The following MIPOL1 variants were observed in gnomAD, a reference collection of about 807,000 sequenced individuals.
MIPOL1 encodes the protein mirror-image polydactyly gene 1 protein.
Under a neutral mutation model 60.9 loss-of-function variants are expected in MIPOL1, and 57 were observed. The observed-to-expected ratio is 0.94, with a 90% CI of 0.76 to 1.17. MIPOL1 has a LOEUF of 1.17. Among genes scored for constraint, MIPOL1 ranks in the 50% most tolerant of loss-of-function variants. The pLI is 0.00. For synonymous variants in MIPOL1, 179 were observed against 168.8 expected (o/e 1.06, Z -0.47); for missense variants, 551 against 511.6 (o/e 1.08, Z -0.74).
chr14:37,236,077 C>G (rs1453561421), intron 1 of MIPOL1, among the ~76,000 whole-genome samples: 3 of 151,804 alleles, frequency 2.0e-5, no homozygotes, highest in Non-Finnish European at 2.9e-5. Flanking sequence ...CAGGCGCATG[C>G]CACCATGCCC....
chr14:37,429,196 G>A (rs2094017553), intron 11 of MIPOL1, among the ~76,000 whole-genome samples: 1 of 152,180 alleles, frequency 6.6e-6, no homozygotes, highest in South Asian at 2.1e-4. Flanking sequence ...AAGTTCAGGA[G>A]GCATAATAAT....
chr14:37,305,233 C>A (rs930407967), intron 7 of MIPOL1, among the ~76,000 whole-genome samples: 3 of 151,772 alleles, frequency 2.0e-5, no homozygotes, highest in African/African-American at 7.2e-5. Context: ...GATTCCTAAT[C>A]TTTAACTAGA....
intron 6 of MIPOL1, among the ~76,000 whole-genome samples, chr14:37,279,188 A>G (rs1389344655): frequency 1.3e-5 from 2 of 150,748 alleles, no homozygotes; most frequent in East Asian, 1.9e-4. Flanking sequence ...ATTCAAGTCA[A>G]AGAAAGAGAA....
intron 1 of MIPOL1, among the ~76,000 whole-genome samples, chr14:37,229,778 G>C (rs1229804350): frequency 2.0e-5 from 3 of 152,058 alleles, no homozygotes; most frequent in African/African-American, 7.2e-5. Flanking sequence ...TCAAAGTTTA[G>C]TTACATTAAG....
chr14:37,308,031 G>A (rs766352139), intron 7 of MIPOL1, 25 bp from the exon 8 acceptor site: 24 of 1,605,670 alleles, frequency 1.5e-5, no homozygotes, highest in Admixed American at 8.5e-5. Context: ...CTACTGATCA[G>A]GCTTTCTGTG....
At chr14:37,211,707 TG>T (rs1235659156) in intron 1 of MIPOL1, among the ~76,000 whole-genome samples, 1 of 151,974 alleles carries the variant, frequency 6.6e-6, no homozygotes, top group African/African-American at 2.4e-5. Flanking sequence ...GGACTGTGGT[TG>T]GGGGGCATGT....
intron 12 of MIPOL1, among the ~76,000 whole-genome samples, chr14:37,519,945 CT>C (rs1188463831): frequency 6.6e-6 from 1 of 152,116 alleles, no homozygotes; most frequent in African/African-American, 2.4e-5. Flanking sequence ...ACCTTCACCA[CT>C]TTTATCAACT....
chr14:37,234,758 A>G (rs1971174798), intron 1 of MIPOL1, among the ~76,000 whole-genome samples: 1 of 151,212 alleles, frequency 6.6e-6, no homozygotes, highest in Non-Finnish European at 1.5e-5. Context: ...ATAGAGGTCT[A>G]ATGTGGTCCA....
chr14:37,338,292 A>G (rs2090329662), intron 9 of MIPOL1, among the ~76,000 whole-genome samples: 1 of 149,306 alleles, frequency 6.7e-6, no homozygotes, highest in South Asian at 2.1e-4. Context: ...ATTTTTTTTT[A>G]GTACAGACCA....
rs869258490 is a variant in MIPOL1, at chr14:37,431,569, C to CTTTTTT, written c.1031+8642_1031+8647dup. Among the ~76,000 whole-genome samples the CTTTTTT allele has an allele frequency of 2.0e-3, 128 of 64,852 alleles. 29 individuals carry two copies. Among genetic ancestry groups the CTTTTTT allele is most frequent in the African/African-American group, 2.5e-3 (39 of 15,638 alleles). 42.5% of individuals were successfully genotyped at this position (64,852 alleles called of 152,430 possible). A position where few individuals can be genotyped will look rare whatever the true frequency, so the allele number is the denominator to read the frequency against. ...CTTGATATTGCTGCCATCTCTGTTTCTTTTTTTTTTTTTTTTTTTTTTTTT... is the reference window on the plus strand; with the variant it reads ...CTTGATATTGCTGCCATCTCTGTTTCTTTTTTTTTTTTTTTTTTTTTTTTTTTTTTT... On this transcript the variant is annotated intron_variant, in intron 11 of 12. Transcript: ENST00000684589.
intron 11 of MIPOL1, among the ~76,000 whole-genome samples, chr14:37,486,693 G>A (rs532226034): frequency 6.6e-6 from 1 of 152,254 alleles, no homozygotes; most frequent in South Asian, 2.1e-4. Context: ...CTGAGACTTT[G>A]CTGAAGTTGC....
intron 10 of MIPOL1, among the ~76,000 whole-genome samples, chr14:37,398,829 T>C (rs994977002): frequency 6.6e-6 from 1 of 152,312 alleles, no homozygotes; most frequent in Non-Finnish European, 1.5e-5. Flanking sequence ...TTACATGTTA[T>C]GTACCCCAGA....
At chr14:37,289,720 A>T (rs143048227) in intron 7 of MIPOL1, among the ~76,000 whole-genome samples, 1 of 152,264 alleles carries the variant, frequency 6.6e-6, no homozygotes, top group East Asian at 1.9e-4. Context: ...TTCATTACAT[A>T]GGCATGATTG....
chr14:37,542,717 A>G (rs2095534325), intron 12 of MIPOL1, among the ~76,000 whole-genome samples: 1 of 152,114 alleles, frequency 6.6e-6, no homozygotes, highest in Non-Finnish European at 1.5e-5. Context: ...ATGTTATAAC[A>G]TTTATCAATA....
intron 3 of MIPOL1, among the ~76,000 whole-genome samples, chr14:37,262,263 G>A (rs1437810372): frequency 6.6e-6 from 1 of 151,796 alleles, no homozygotes; most frequent in Non-Finnish European, 1.5e-5. Context: ...GTCATTGGGA[G>A]CAATCACTAG....
intron 12 of MIPOL1, among the ~76,000 whole-genome samples, chr14:37,534,435 T>G (rs2095496718): frequency 6.6e-6 from 1 of 152,186 alleles, no homozygotes; most frequent in African/African-American, 2.4e-5. Context: ...GCAGCAAAAT[T>G]TCAACCCATT....
At chr14:37,544,470 T>C (rs909453516) in intron 12 of MIPOL1, among the ~76,000 whole-genome samples, 2 of 152,184 alleles carry the variant, frequency 1.3e-5, no homozygotes, top group Non-Finnish European at 2.9e-5. Context: ...TGAGAAGATA[T>C]CACTGAGTAA....
chr14:37,220,665 A>G (rs1292713790), intron 1 of MIPOL1, among the ~76,000 whole-genome samples: 1 of 152,230 alleles, frequency 6.6e-6, no homozygotes, highest in East Asian at 1.9e-4. Flanking sequence ...GATTCTTTAT[A>G]AGTAAGAAAC....
intron 11 of MIPOL1, among the ~76,000 whole-genome samples, chr14:37,448,339 G>T (rs967196220): frequency 6.6e-6 from 1 of 152,168 alleles, no homozygotes; most frequent in Non-Finnish European, 1.5e-5. Flanking sequence ...AGTAAGAAAC[G>T]TGAATCAACA....
Sources: allele counts gnomAD v4.1 joint callset (sites outside exome capture counted in the v4.1 genomes callset), GRCh38; gene constraint gnomAD v4.1.1; transcripts MANE v1.5; gene names NCBI Gene and HGNC (gene_info 2026-07-23, HGNC 2026-07-21).